TMEFF1: variants seen among roughly 807,000 people sequenced by gnomAD.
TMEFF1 encodes the protein tomoregulin-1.
A neutral mutation model predicts 47.5 loss-of-function variants in TMEFF1; 20 were observed. That is an observed-to-expected ratio of 0.42 (90% CI 0.30 to 0.61). The LOEUF (loss-of-function observed/expected upper bound fraction) is 0.61. Ranked by LOEUF, TMEFF1 falls within the 20% of genes least tolerant of loss-of-function variation. TMEFF1 has a pLI of 0.19. For synonymous variants in TMEFF1, 162 were observed against 166.3 expected, an observed-to-expected ratio of 0.97 and a Z score of 0.20; for missense variants, 411 against 471.1, an observed-to-expected ratio of 0.87 and a Z score of 1.18.
At position 100,473,517 on chromosome 9, in the gene TMEFF1, C is replaced by A; in HGVS notation, c.-28C>A. 2.2e-6 allele frequency: 3 copies of A among 1,391,346 alleles called. No individual in the cohort carries two copies. The highest frequency in any genetic ancestry group is 2.8e-6 in the Non-Finnish European group (3 of 1,075,164). 86.2% of individuals were successfully genotyped at this position (1,391,346 alleles called of 1,614,324 possible). A position where few individuals can be genotyped will look rare whatever the true frequency, so the allele number is the denominator to read the frequency against. The stretch of plus-strand genomic sequence containing the variant: ...GATGCCCCCGGCCTGCGGCTCCCTG[C>A]GCTTCCCGCCGTCCAGGGGCACCAG... On this transcript the variant is annotated 5_prime_UTR_variant, in exon 1 of 10. Transcript: ENST00000374879. The surrounding 1 kb of genome is among the most constrained non-coding windows in gnomAD (Gnocchi z 5.4).
chr9:100,519,192 G>A (rs1474744991), intron 5 of TMEFF1, among the ~76,000 whole-genome samples: 3 of 152,024 alleles, frequency 2.0e-5, no homozygotes, highest in African/African-American at 7.2e-5. Flanking sequence ...GGCAGAGCAT[G>A]AGGTCAAGAG....
At chr9:100,528,351 T>G (rs1190205169) in intron 5 of TMEFF1, among the ~76,000 whole-genome samples, 8 of 147,838 alleles carry the variant, frequency 5.4e-5, no homozygotes, top group Middle Eastern at 3.2e-3. Context: ...GAAAAAAATT[T>G]AGAAGAATGT....
In TMEFF1 at chr9:100,572,632, T is replaced by C. The variant is rs764423292; in HGVS notation, c.1014T>C (p.Ala338=). The C allele has an allele frequency of 1.9e-6, 3 of 1,613,360 alleles. No homozygotes were observed. The highest frequency in any genetic ancestry group is 1.7e-5 in the Admixed American group (1 of 59,918). ...THVLIAAIIG[A]VQIAIIVAIV... is the part of the protein sequence containing the mutation. Reference sequence around the variant, plus strand: ...TTCTTATTGCAGCAATTATTGGAGCTGTACAGATTGCCATCATAGTAGCAA... The same window carrying C: ...TTCTTATTGCAGCAATTATTGGAGCCGTACAGATTGCCATCATAGTAGCAA... Residue 338 remains alanine (A), a synonymous_variant, in exon 9 of 10, where the codon GCT becomes GCC. Transcript: ENST00000374879.
At chr9:100,544,574 A>G (rs1359113212) in intron 5 of TMEFF1, among the ~76,000 whole-genome samples, 1 of 152,210 alleles carries the variant, frequency 6.6e-6, no homozygotes. Context: ...GGGTGGGGAC[A>G]CAGCCAAACC....
At chr9:100,478,693 A>G (rs1837281595) in intron 1 of TMEFF1, among the ~76,000 whole-genome samples, 1 of 151,754 alleles carries the variant, frequency 6.6e-6, no homozygotes, top group Admixed American at 6.6e-5. Context: ...CCAAAGAGAA[A>G]AAAAGCTTGG....
intron 5 of TMEFF1, among the ~76,000 whole-genome samples, chr9:100,544,041 A>G (rs887478075): frequency 1.4e-4 from 22 of 151,922 alleles, no homozygotes; most frequent in African/African-American, 5.1e-4. Context: ...TTTTTTAAAT[A>G]GTCCCTTTGG....
intron 1 of TMEFF1, among the ~76,000 whole-genome samples, chr9:100,486,505 G>A (rs1221851006): frequency 1.3e-5 from 2 of 152,194 alleles, no homozygotes; most frequent in Non-Finnish European, 2.9e-5. Context: ...GGCTCCCAAC[G>A]TGTTGGGATT....
chr9:100,546,111 T>C (rs1167455329), intron 5 of TMEFF1, among the ~76,000 whole-genome samples: 3 of 152,208 alleles, frequency 2.0e-5, no homozygotes, highest in Non-Finnish European at 2.9e-5. Context: ...CATTTTCAAG[T>C]ATCTTTTCGG....
intron 7 of TMEFF1, among the ~76,000 whole-genome samples, chr9:100,552,260 G>A (rs1158236809): frequency 3.3e-5 from 5 of 152,152 alleles, no homozygotes; most frequent in Non-Finnish European, 5.9e-5. Flanking sequence ...ATGATACCTG[G>A]CAGGAATATT....
chr9:100,506,608 A>G (rs1333246446), intron 2 of TMEFF1, among the ~76,000 whole-genome samples: 1 of 151,842 alleles, frequency 6.6e-6, no homozygotes, highest in Admixed American at 6.6e-5. Flanking sequence ...TACTAAAAAT[A>G]CAAAAAAAAT....
chr9:100,483,449 A>T (rs949734330), intron 1 of TMEFF1, among the ~76,000 whole-genome samples: 1 of 152,186 alleles, frequency 6.6e-6, no homozygotes, highest in Non-Finnish European at 1.5e-5. Context: ...GTGAGCCGAG[A>T]TCGCACCGTT....
intron 7 of TMEFF1, among the ~76,000 whole-genome samples, chr9:100,553,005 G>T (rs1301687078): frequency 1.3e-5 from 2 of 152,170 alleles, no homozygotes; most frequent in African/African-American, 4.8e-5. Context: ...ATTTAGAAAG[G>T]AGAGAAGGCC....
chr9:100,558,411 A>C (rs1838955880), intron 7 of TMEFF1, among the ~76,000 whole-genome samples: 1 of 151,962 alleles, frequency 6.6e-6, no homozygotes, highest in Non-Finnish European at 1.5e-5. Flanking sequence ...TTATGGCCTG[A>C]TTGGGAATGT....
intron 1 of TMEFF1, among the ~76,000 whole-genome samples, chr9:100,475,844 T>C (rs1337127948): frequency 6.6e-6 from 1 of 151,296 alleles, no homozygotes; most frequent in Non-Finnish European, 1.5e-5. Flanking sequence ...TGAACCTGTG[T>C]TTTTGTGTGG....
intron 9 of TMEFF1, among the ~76,000 whole-genome samples, chr9:100,573,497 C>T (rs1024297207): frequency 1.9e-4 from 29 of 152,138 alleles, no homozygotes; most frequent in Admixed American, 1.2e-3. Flanking sequence ...GTAAATCCAG[C>T]AAGTTCGTGT....
At chr9:100,560,310 A>G (rs547917586) in intron 7 of TMEFF1, among the ~76,000 whole-genome samples, 2 of 152,210 alleles carry the variant, frequency 1.3e-5, no homozygotes, top group East Asian at 3.9e-4. Flanking sequence ...ATAGTTATGA[A>G]GTCTCAGGTT....
At chr9:100,551,187 G>A (rs1377637962) in intron 7 of TMEFF1, among the ~76,000 whole-genome samples, 3 of 152,214 alleles carry the variant, frequency 2.0e-5, no homozygotes, top group East Asian at 3.8e-4. Context: ...TAAACAATAT[G>A]TAAAATGGGA....
At chr9:100,550,916 T>C (rs889756457) in intron 7 of TMEFF1, among the ~76,000 whole-genome samples, 2 of 152,258 alleles carry the variant, frequency 1.3e-5, no homozygotes, top group African/African-American at 4.8e-5. Context: ...TCCAGGTCCC[T>C]TGACTTCAAG....
intron 1 of TMEFF1, among the ~76,000 whole-genome samples, chr9:100,482,180 T>G (rs184233251): frequency 4.7e-4 from 72 of 152,000 alleles, no homozygotes; most frequent in Admixed American, 2.0e-3. Flanking sequence ...TCTTCTTCTT[T>G]TCTTTTCTTT....
Sources: allele counts gnomAD v4.1 joint callset (sites outside exome capture counted in the v4.1 genomes callset), GRCh38; gene constraint gnomAD v4.1.1; non-coding constraint Gnocchi (gnomAD v3.1); transcripts MANE v1.5; gene names NCBI Gene and HGNC (gene_info 2026-07-23, HGNC 2026-07-21).